RDX: variants seen among roughly 807,000 people sequenced by gnomAD.
RDX encodes the protein radixin.
In RDX, 32 loss-of-function variants were observed where a neutral mutation model predicts 83.7. That is an observed-to-expected ratio of 0.38 (90% confidence interval 0.29 to 0.51). The LOEUF (loss-of-function observed/expected upper bound fraction) is 0.51. Ranked by LOEUF, RDX falls within the 20% of genes least tolerant of loss-of-function variation. The pLI, the probability that RDX is intolerant of heterozygous loss-of-function variation, is 0.87. For synonymous variants in RDX, 229 were observed against 222.7 expected (o/e 1.03, Z -0.25); for missense variants, 600 against 689.9 (o/e 0.87, Z 1.46).
At chr11:110,207,078 A>G (rs1863633273) in intron 14 of RDX, among the ~76,000 whole-genome samples, 1 of 152,030 alleles carries the variant, frequency 6.6e-6, no homozygotes, top group Non-Finnish European at 1.5e-5. Flanking sequence ...GGTTCAGCCA[A>G]TTCTCAAGCC....
At chr11:110,211,068 C>T (rs1230514762) in intron 14 of RDX, among the ~76,000 whole-genome samples, 1 of 152,140 alleles carries the variant, frequency 6.6e-6, no homozygotes, top group Non-Finnish European at 1.5e-5. Flanking sequence ...AGAGTCAAGA[C>T]CCATCAGTGT....
chr11:110,233,028 G>A (rs1472587883), intron 13 of RDX, among the ~76,000 whole-genome samples: 2 of 152,202 alleles, frequency 1.3e-5, no homozygotes, highest in East Asian at 3.9e-4. Context: ...CACTAGTTAA[G>A]GTCTGATTAT....
At chr11:110,201,511 C>G (rs1863400657) in intron 14 of RDX, among the ~76,000 whole-genome samples, 2 of 149,634 alleles carry the variant, frequency 1.3e-5, no homozygotes, top group African/African-American at 4.9e-5. Context: ...CCAAGCTTTG[C>G]CACCAGGTGG....
At chr11:110,207,771 T>C (rs1342569921) in intron 14 of RDX, among the ~76,000 whole-genome samples, 2 of 152,214 alleles carry the variant, frequency 1.3e-5, no homozygotes, top group East Asian at 3.8e-4. Context: ...AGCAGAGTTG[T>C]ATAGCTGGGA....
chr11:110,287,796 C>A (rs1309761451), intron 1 of RDX, among the ~76,000 whole-genome samples: 2 of 152,184 alleles, frequency 1.3e-5, no homozygotes, highest in Non-Finnish European at 2.9e-5. Context: ...ATCTCTCATT[C>A]TTCTAAAAAA....
chr11:110,210,524 A>C (rs1006540765), intron 14 of RDX, among the ~76,000 whole-genome samples: 4 of 150,874 alleles, frequency 2.7e-5, no homozygotes, highest in African/African-American at 9.8e-5. Flanking sequence ...AGCAACTCCA[A>C]GACACATAAT....
At chr11:110,216,424 G>T (rs946641745) in intron 14 of RDX, among the ~76,000 whole-genome samples, 2 of 151,474 alleles carry the variant, frequency 1.3e-5, no homozygotes, top group African/African-American at 2.4e-5. Context: ...TCAGGCTGGA[G>T]TGCAGTGGCG....
At position 110,267,565 on chromosome 11, in the gene RDX, CAA is replaced by C. The variant is rs974527928; in HGVS notation, c.97-2693_97-2692del. Among the ~76,000 whole-genome samples the C allele has an allele frequency of 1.8e-4, 25 of 140,866 alleles. No homozygotes were observed. In the East Asian group the frequency reaches 3.8e-3, roughly 21 times the overall value. 92.4% of individuals were successfully genotyped at this position (140,866 alleles called of 152,430 possible). A position where few individuals can be genotyped will look rare whatever the true frequency, so the allele number is the denominator to read the frequency against. ...ACACACACACACACACACACACACACAAATAATCTTAAAACATTCCAGGCTTT... is the reference window on the plus strand; with the variant it reads ...ACACACACACACACACACACACACACATAATCTTAAAACATTCCAGGCTTT... On this transcript the variant is annotated intron_variant, in intron 3 of 13. Coordinates refer to ENST00000645495, the MANE Select transcript of RDX (RefSeq NM_002906.4).
Position 110,251,030 on chromosome 11 carries a change from C to T in RDX, c.959+2916G>A, listed in dbSNP as rs186922140. 1.3e-3 allele frequency among the ~76,000 whole-genome samples: 205 copies of T among 152,302 alleles called. 1 individual carries two copies. Among genetic ancestry groups the T allele is most frequent in the African/African-American group, 4.8e-3 (198 of 41,556 alleles). On this transcript the variant is annotated intron_variant, in intron 9 of 13. Transcript: ENST00000645495. ...CACACCACACATATTTTTATCTCTA[C>T]ATATTCATCTATGTTGGCTTCTTCT...
At chr11:110,223,583 T>C (rs1864330511) in intron 14 of RDX, among the ~76,000 whole-genome samples, 1 of 152,066 alleles carries the variant, frequency 6.6e-6, no homozygotes, top group African/African-American at 2.4e-5. Flanking sequence ...GTAACTTAGA[T>C]TCTATCAAAA....
At chr11:110,254,481 TTC>T (rs1859463884) in intron 8 of RDX, among the ~76,000 whole-genome samples, 2 of 151,408 alleles carry the variant, frequency 1.3e-5, no homozygotes, top group South Asian at 4.1e-4. Flanking sequence ...CCTAGAATTG[TTC>T]TTTTTTTTTT....
intron 15 of RDX, among the ~76,000 whole-genome samples, chr11:110,192,739 A>G (rs1305381686): frequency 6.6e-6 from 1 of 152,168 alleles, no homozygotes; most frequent in Non-Finnish European, 1.5e-5. Flanking sequence ...AGAAGATACA[A>G]GCAACGACAA....
chr11:110,259,846 A>AT (rs998194050), intron 5 of RDX, among the ~76,000 whole-genome samples: 9 of 150,834 alleles, frequency 6.0e-5, no homozygotes, highest in East Asian at 3.9e-4. Flanking sequence ...CCCAACCCCT[A>AT]TTTTTTTTTC....
chr11:110,244,363 C>CAAAA (rs71053874), intron 10 of RDX, among the ~76,000 whole-genome samples: 1,094 of 51,124 alleles, frequency 0.021, 28 homozygotes, highest in Non-Finnish European at 0.023. Flanking sequence ...GATTCTGGCT[C>CAAAA]AAAAAAAAAA....
At chr11:110,278,191 C>T (rs1860593786) in intron 2 of RDX, among the ~76,000 whole-genome samples, 1 of 151,326 alleles carries the variant, frequency 6.6e-6, no homozygotes, top group South Asian at 2.1e-4. Context: ...ATTTTAGTGG[C>T]TTAAGAATAA....
chr11:110,175,506 G>C (rs10749956), intron 15 of RDX, among the ~76,000 whole-genome samples: 85,565 of 152,098 alleles, frequency 0.56, 24,434 homozygotes, highest in East Asian at 0.83. Context: ...CAGTGAGGAA[G>C]AGAGCACTGA....
intron 15 of RDX, among the ~76,000 whole-genome samples, chr11:110,186,164 G>A (rs1025556706): frequency 2.0e-5 from 3 of 152,170 alleles, no homozygotes; most frequent in African/African-American, 4.8e-5. Flanking sequence ...CCAGCTTGAC[G>A]GGTGTGGGCA....
intron 14 of RDX, among the ~76,000 whole-genome samples, chr11:110,211,579 G>T (rs1423275999): frequency 2.6e-5 from 4 of 151,084 alleles, no homozygotes; most frequent in South Asian, 2.1e-4. Flanking sequence ...ACCACATACT[G>T]GGAAGTAAAG....
In RDX at chr11:110,257,713, C is replaced by T. The variant is rs546605874; in HGVS notation, c.698+54G>A. The T allele has an allele frequency of 2.0e-5, 32 of 1,570,418 alleles. No homozygotes were observed. In the African/African-American group the frequency reaches 3.8e-4, roughly 19 times the overall value. On this transcript the variant is annotated intron_variant, in intron 7 of 13. Transcript: ENST00000645495. ...TTTGAAAAACAGGACATAAGATTAACGTCATTTAGACCACTGAACAATGAC... is the reference window on the plus strand; with the variant it reads ...TTTGAAAAACAGGACATAAGATTAATGTCATTTAGACCACTGAACAATGAC...
Sources: allele counts gnomAD v4.1 joint callset (sites outside exome capture counted in the v4.1 genomes callset), GRCh38; gene constraint gnomAD v4.1.1; transcripts MANE v1.5; gene names NCBI Gene and HGNC (gene_info 2026-07-23, HGNC 2026-07-21).